The following RAB7B variants were observed in gnomAD, a reference collection of about 807,000 sequenced individuals.
RAB7B encodes the protein RAB7B, member RAS oncogene family.
chr1:205,982,418 C>T (rs1660512367), intron 5 of RAB7B, among the ~76,000 whole-genome samples: 1 of 152,198 alleles, frequency 6.6e-6, no homozygotes, highest in South Asian at 2.1e-4. Context: ...ATTGCAGTAG[C>T]CTCTTCATCA....
intron 1 of RAB7B, 62 bp from the exon 2 acceptor site, chr1:205,994,213 G>C (rs1225852380): frequency 1.3e-5 from 5 of 398,144 alleles, no homozygotes; most frequent in African/African-American, 1.0e-4. Context: ...TTGTCACTGA[G>C]TGTGGCCTCT....
chr1:205,995,529 G>C (rs1313795003), intron 1 of RAB7B, among the ~76,000 whole-genome samples: 1 of 151,926 alleles, frequency 6.6e-6, no homozygotes, highest in Non-Finnish European at 1.5e-5. Context: ...AAAGAAAATC[G>C]GTACATGTAC....
At chr1:206,001,421 TTCATC>T (rs1660889234) in intron 1 of RAB7B, among the ~76,000 whole-genome samples, 1 of 152,224 alleles carries the variant, frequency 6.6e-6, no homozygotes, top group Non-Finnish European at 1.5e-5. Flanking sequence ...ATTTTTCTAT[TTCATC>T]TCAGCTGTGA....
chr1:205,998,199 C>CA (rs1236893009), intron 1 of RAB7B, among the ~76,000 whole-genome samples: 2 of 151,952 alleles, frequency 1.3e-5, no homozygotes, highest in East Asian at 1.9e-4. Flanking sequence ...ATTAAAAATA[C>CA]AAAAAAATGA....
In RAB7B at chr1:205,978,728, C is replaced by G; in HGVS notation, c.*123G>C. ...CAAGGGCTCTGCCGCAGAGCTTAGG[C>G]CCCCTGCACTGTGCTTGGGCAGGCA... On this transcript the variant is annotated 3_prime_UTR_variant, in exon 6 of 6. Coordinates refer to ENST00000617070, the MANE Select transcript of RAB7B (RefSeq NM_001164522.3). The G allele has an allele frequency of 2.5e-6, 1 of 395,088 alleles. No individual in the cohort carries two copies. The highest frequency in any genetic ancestry group is 4.5e-6 in the Non-Finnish European group (1 of 224,186). The allele number at this position is 395,088 out of a possible 1,614,324, so 24.5% of individuals were successfully genotyped here. A position where few individuals can be genotyped will look rare whatever the true frequency, so the allele number is the denominator to read the frequency against.
intron 5 of RAB7B, 128 bp from the exon 6 acceptor site, chr1:205,979,056 G>T: frequency 2.6e-6 from 1 of 392,152 alleles, no homozygotes; most frequent in Non-Finnish European, 4.5e-6. Flanking sequence ...GGGAAACTGA[G>T]GCCCAGACAG....
At chr1:205,988,763 G>T (rs1660662503) in intron 4 of RAB7B, among the ~76,000 whole-genome samples, 2 of 152,164 alleles carry the variant, frequency 1.3e-5, no homozygotes, top group Non-Finnish European at 2.9e-5. Context: ...CATGGACCAG[G>T]TGGGCGGCTG....
chr1:206,003,045 C>T (rs889592405), intron 1 of RAB7B, among the ~76,000 whole-genome samples: 3 of 152,200 alleles, frequency 2.0e-5, no homozygotes, highest in African/African-American at 4.8e-5. Context: ...CTCAGCTCTT[C>T]GCACAGGCAG....
chr1:205,987,791 A>T (rs1660638965), intron 4 of RAB7B, among the ~76,000 whole-genome samples: 1 of 151,942 alleles, frequency 6.6e-6, no homozygotes, highest in African/African-American at 2.4e-5. Flanking sequence ...ATTTTTTTTT[A>T]AACTAAATCA....
At chr1:205,998,509 G>T (rs1178591665) in intron 1 of RAB7B, among the ~76,000 whole-genome samples, 3 of 152,214 alleles carry the variant, frequency 2.0e-5, no homozygotes, top group Non-Finnish European at 4.4e-5. Context: ...TAGGAGAGTT[G>T]GAGGAGGCAG....
At chr1:205,990,633 CA>C (rs1332475037) in intron 4 of RAB7B, among the ~76,000 whole-genome samples, 8,576 of 152,044 alleles carry the variant, frequency 0.056, 235 homozygotes, top group African/African-American at 0.068. Flanking sequence ...TGCTGAAAGC[CA>C]GGGGTTGAGG....
chr1:205,989,011 G>A (rs1428923493), intron 4 of RAB7B, among the ~76,000 whole-genome samples: 1 of 151,854 alleles, frequency 6.6e-6, no homozygotes, highest in African/African-American at 2.4e-5. Flanking sequence ...TCCTCTCCAC[G>A]TCCTGTCCTG....
intron 1 of RAB7B, among the ~76,000 whole-genome samples, chr1:205,994,597 GC>G (rs1300197762): frequency 2.0e-5 from 3 of 152,208 alleles, no homozygotes; most frequent in African/African-American, 4.8e-5. Flanking sequence ...CCCTCCCCCA[GC>G]CCGAGGTCTA....
intron 1 of RAB7B, 27 bp from the exon 2 acceptor site, chr1:205,994,178 T>C: frequency 2.5e-6 from 1 of 398,630 alleles, no homozygotes; most frequent in Non-Finnish European, 4.4e-6. Flanking sequence ...GTCATCCACA[T>C]GCTAGCCAAT....
At chr1:205,988,230 G>GGT (rs1660648763) in intron 4 of RAB7B, among the ~76,000 whole-genome samples, 1 of 42,024 alleles carries the variant, frequency 2.4e-5, no homozygotes, top group African/African-American at 4.2e-5. Flanking sequence ...GTGTGTGTGG[G>GGT]TTTTTTTTTT....
At chr1:205,993,069 G>C (rs1353388236) in intron 3 of RAB7B, among the ~76,000 whole-genome samples, 1 of 152,114 alleles carries the variant, frequency 6.6e-6, no homozygotes, top group Non-Finnish European at 1.5e-5. Flanking sequence ...TCAACTCCTG[G>C]ATTAATGTCC....
chr1:206,000,363 G>T (rs1286058700), intron 1 of RAB7B, among the ~76,000 whole-genome samples: 4 of 152,164 alleles, frequency 2.6e-5, no homozygotes, highest in African/African-American at 9.7e-5. Flanking sequence ...TGTGTGGATG[G>T]CAGCCCAAAG....
chr1:205,996,143 AGTGTGTGTGTGTGTGTGT>A (rs1182397777), intron 1 of RAB7B, among the ~76,000 whole-genome samples: 1 of 142,902 alleles, frequency 7.0e-6, no homozygotes, highest in East Asian at 2.0e-4. Flanking sequence ...GTAAATGTAT[AGTGTGTGTGTGTGTGTGT>A]GTGTGTGTGT....
chr1:205,994,237 C>T (rs1660772995), intron 1 of RAB7B, 86 bp from the exon 2 acceptor site: 1 of 397,232 alleles, frequency 2.5e-6, no homozygotes, highest in Non-Finnish European at 4.4e-6. Flanking sequence ...TTCCCCTTTC[C>T]AATGGGCAAG....
Sources: gnomAD v4.1 joint callset for allele counts (sites outside exome capture counted in the v4.1 genomes callset) on GRCh38, gnomAD v4.1.1 for gene constraint, MANE v1.5 for transcripts, NCBI Gene and HGNC (gene_info 2026-07-23, HGNC 2026-07-21) for gene names.